The following ATP10A variants were observed in gnomAD, a reference collection of about 807,000 sequenced individuals.
ATP10A encodes ATPase phospholipid transporting 10A (putative).
In ATP10A, 111 loss-of-function variants were observed where a neutral mutation model predicts 147.8. That is an observed-to-expected ratio of 0.75 (90% CI 0.64 to 0.88). The LOEUF (loss-of-function observed/expected upper bound fraction) is 0.88. Ranked by LOEUF, ATP10A falls within the 40% of genes least tolerant of loss-of-function variation. The pLI is 0.00. For synonymous variants in ATP10A, 875 were observed against 841.6 expected (o/e 1.04, Z -0.69); for missense variants, 1,927 against 1,959.0 (o/e 0.98, Z 0.31).
chr15:25,755,759 C>G lies in ATP10A; in HGVS notation c.655-19618G>C, dbSNP rs181582901. ...GCCCATTCATTAGTAGCCTCTACCC[C>G]CTAAGTCAATAATCTAATGAAGAAA... On this transcript the variant is annotated intron_variant, in intron 2 of 20. Transcript: ENST00000555815. Among the ~76,000 whole-genome samples the G allele has an allele frequency of 3.9e-5, 6 of 152,198 alleles. No individual in the cohort carries two copies. In the East Asian group the frequency reaches 5.8e-4, roughly 15 times the overall value.
intron 1 of ATP10A, among the ~76,000 whole-genome samples, chr15:25,845,975 C>T (rs1210045882): frequency 6.6e-6 from 1 of 152,196 alleles, no homozygotes; most frequent in Non-Finnish European, 1.5e-5. Context: ...ATGGTGTCCG[C>T]CTCAGAAAGG....
At chr15:25,724,043 A>G (rs778847747) in intron 5 of ATP10A, 22 bp from the exon 6 acceptor site, 2 of 1,491,266 alleles carry the variant, frequency 1.3e-6, no homozygotes, top group Admixed American at 4.7e-5. Flanking sequence ...TTCAAAGAGA[A>G]ATGTCATTCA....
intron 10 of ATP10A, chr15:25,709,952 A>T (rs985599748): frequency 6.6e-6 from 1 of 152,308 alleles, no homozygotes; most frequent in Non-Finnish European, 1.5e-5. Context: ...AGCTCCAAGG[A>T]GACCATCACC....
At chr15:25,742,043 T>C (rs566261833) in intron 2 of ATP10A, among the ~76,000 whole-genome samples, 2 of 152,362 alleles carry the variant, frequency 1.3e-5, no homozygotes, top group Admixed American at 1.3e-4. Flanking sequence ...ATGTAATCTA[T>C]AATAGCGGCT....
intron 2 of ATP10A, among the ~76,000 whole-genome samples, chr15:25,756,575 G>A (rs1375130271): frequency 1.3e-5 from 2 of 151,882 alleles, no homozygotes; most frequent in Non-Finnish European, 2.9e-5. Flanking sequence ...CCCAGGAGGC[G>A]GAGCTTGCAG....
chr15:25,801,657 G>A (rs1482716214), intron 1 of ATP10A, among the ~76,000 whole-genome samples: 1 of 152,198 alleles, frequency 6.6e-6, no homozygotes, highest in Non-Finnish European at 1.5e-5. Flanking sequence ...CTTCGCTTCA[G>A]GAAAAACACA....
intron 2 of ATP10A, among the ~76,000 whole-genome samples, chr15:25,779,225 C>T (rs1889775803): frequency 6.6e-6 from 1 of 152,222 alleles, no homozygotes; most frequent in South Asian, 2.1e-4. Flanking sequence ...CTGCGGCGTT[C>T]CCCTACCTGC....
chr15:25,745,611 C>A (rs1323366195), intron 2 of ATP10A, among the ~76,000 whole-genome samples: 1 of 151,800 alleles, frequency 6.6e-6, no homozygotes, highest in African/African-American at 2.4e-5. Context: ...GACTAAGATG[C>A]AGGAAGAAAT....
chr15:25,783,017 A>T (rs35922370), intron 1 of ATP10A, among the ~76,000 whole-genome samples: 22,655 of 150,528 alleles, frequency 0.15, 1,824 homozygotes, highest in Non-Finnish European at 0.19. Flanking sequence ...AAAAAAAATT[A>T]AAAAAAAAAT....
rs190599375 is a variant in ATP10A, at chr15:25,821,976, A to C, written c.449+40672T>G. Among the ~76,000 whole-genome samples, 479 of 152,318 alleles carry C rather than the reference A, an allele frequency of 3.1e-3. 6 individuals are homozygous for C. The highest frequency in any genetic ancestry group is 0.011 in the African/African-American group (454 of 41,564). ...AATCCTGTGGGAAACTGGTTCTAGGAGTCCCCCATACCAAAATTCACAGAT... is the reference window on the plus strand; with the variant it reads ...AATCCTGTGGGAAACTGGTTCTAGGCGTCCCCCATACCAAAATTCACAGAT... On this transcript the variant is annotated intron_variant, in intron 1 of 20. Transcript: ENST00000555815.
chr15:25,690,099 A>C (rs1230153110), intron 15 of ATP10A, among the ~76,000 whole-genome samples: 2 of 152,198 alleles, frequency 1.3e-5, no homozygotes, highest in Admixed American at 1.3e-4. Flanking sequence ...ACTCCCTCAA[A>C]ACTTAACTAC....
In ATP10A at chr15:25,793,055, G is replaced by A. The variant is rs138125443; in HGVS notation, c.450-11832C>T. Reference sequence around the variant, plus strand: ...CCAGCTAATTTTTGTATTTTTAGTAGAGACAGGGTTTCTCCATGTTGGTCA... The same window carrying A: ...CCAGCTAATTTTTGTATTTTTAGTAAAGACAGGGTTTCTCCATGTTGGTCA... On this transcript the variant is annotated intron_variant, in intron 1 of 20. Transcript: ENST00000555815. 1.1e-3 allele frequency among the ~76,000 whole-genome samples: 171 copies of A among 152,016 alleles called. 2 individuals are homozygous for A. The East Asian group carries it at 0.031, about 27-fold the overall frequency.
rs1468781144 is a variant in ATP10A, at chr15:25,716,985, G to A, written c.1582-61C>T. 13 of 1,370,258 alleles carry A rather than the reference G, an allele frequency of 9.5e-6. No individual in the cohort carries two copies. The Admixed American group carries it at 1.0e-4, about 11-fold the overall frequency. The allele number at this position is 1,370,258 out of a possible 1,614,324, so 84.9% of individuals were successfully genotyped here. The stretch of plus-strand genomic sequence containing the variant: ...AGTAGCCTGCCGAGGATCTTGGGGC[G>A]TGACTATTTAAGGTACTTTGATTTT... On this transcript the variant is annotated intron_variant, in intron 8 of 20. Transcript: ENST00000555815.
chr15:25,695,432 TC>T (rs1464626733), intron 13 of ATP10A, among the ~76,000 whole-genome samples: 2 of 151,810 alleles, frequency 1.3e-5, no homozygotes, highest in African/African-American at 4.8e-5. Context: ...ATCAAGACCA[TC>T]CTGGCTAACA....
At chr15:25,830,857 A>G (rs1017086742) in intron 1 of ATP10A, among the ~76,000 whole-genome samples, 9 of 152,210 alleles carry the variant, frequency 5.9e-5, no homozygotes, top group Admixed American at 4.6e-4. Context: ...ACTGTTTCAA[A>G]CCTAAGGACT....
intron 2 of ATP10A, among the ~76,000 whole-genome samples, chr15:25,765,850 G>T (rs995432841): frequency 2.0e-5 from 3 of 152,186 alleles, no homozygotes; most frequent in Non-Finnish European, 2.9e-5. Context: ...CAGCAGCAGG[G>T]CAGTGCTGAG....
At chr15:25,839,234 C>T (rs1042138190) in intron 1 of ATP10A, among the ~76,000 whole-genome samples, 6 of 152,134 alleles carry the variant, frequency 3.9e-5, no homozygotes, top group Non-Finnish European at 8.8e-5. Context: ...TCGGCGCATC[C>T]CTGCCAACTG....
chr15:25,693,607 A>G (rs1331088305), intron 14 of ATP10A, among the ~76,000 whole-genome samples: 2 of 152,172 alleles, frequency 1.3e-5, no homozygotes, highest in Admixed American at 6.5e-5. Flanking sequence ...GGTCAGCCTG[A>G]AGACCGTTTC....
At chr15:25,730,402 C>T (rs1254213693) in intron 3 of ATP10A, among the ~76,000 whole-genome samples, 1 of 152,004 alleles carries the variant, frequency 6.6e-6, no homozygotes, top group Non-Finnish European at 1.5e-5. Flanking sequence ...AGAGGCAGCA[C>T]TGGCTGGCAG....
Sources: allele counts gnomAD v4.1 joint callset (sites outside exome capture counted in the v4.1 genomes callset), GRCh38; gene constraint gnomAD v4.1.1; transcripts MANE v1.5; gene names NCBI Gene and HGNC (gene_info 2026-07-23, HGNC 2026-07-21).